Variants in RANBP2 observed in about 807,000 individuals in gnomAD.
RANBP2 encodes RAN binding protein 2.
RANBP2 carries 57 observed loss-of-function variants against 303.6 expected under a neutral mutation model. That is an observed-to-expected ratio of 0.19 (90% CI 0.15 to 0.23). The LOEUF is 0.23. Ranked by LOEUF, RANBP2 falls within the 10% of genes least tolerant of loss-of-function variation. The pLI is 1.00. For synonymous variants in RANBP2, 1,167 were observed against 1,301.5 expected, an observed-to-expected ratio of 0.90 and a Z score of 2.23; for missense variants, 3,138 against 3,780.8, an observed-to-expected ratio of 0.83 and a Z score of 4.46.
At chr2:109,160,892 G>C in the RANBP2 span, among the ~76,000 whole-genome samples, 3 of 152,206 alleles carry the variant, frequency 2.0e-5, 1 homozygote, top group East Asian at 5.8e-4. Context: ...CACTGTGGCA[G>C]GAGTTGTTTG....
At chr2:108,800,658 G>A in the RANBP2 span, among the ~76,000 whole-genome samples, 2 of 110,062 alleles carry the variant, frequency 1.8e-5, no homozygotes, top group African/African-American at 7.9e-5. Context: ...TTAAGTTTTA[G>A]GGTACATGTG....
At chr2:109,480,665 C>T in the RANBP2 span, among the ~76,000 whole-genome samples, 1 of 152,114 alleles carries the variant, frequency 6.6e-6, no homozygotes, top group Non-Finnish European at 1.5e-5. Flanking sequence ...CAATGCTGTA[C>T]TGGCATGTGG....
At chr2:109,662,618 C>G in the RANBP2 span, among the ~76,000 whole-genome samples, 1 of 152,036 alleles carries the variant, frequency 6.6e-6, no homozygotes. Flanking sequence ...ATCATGTTGG[C>G]TATGCTGGTC....
chr2:109,124,714 T>C, the RANBP2 span: 1 of 152,394 alleles, frequency 6.6e-6, no homozygotes, highest in Non-Finnish European at 1.5e-5. Context: ...TTTGCTTTGT[T>C]GTCGTCCTGT....
the RANBP2 span, among the ~76,000 whole-genome samples, chr2:109,703,045 C>A: frequency 1.3e-5 from 2 of 152,022 alleles, no homozygotes; most frequent in African/African-American, 4.8e-5. Flanking sequence ...GAGGAATGTT[C>A]AAAAAGATTT....
At chr2:109,560,327 T>C in the RANBP2 span, among the ~76,000 whole-genome samples, 1 of 152,124 alleles carries the variant, frequency 6.6e-6, no homozygotes, top group African/African-American at 2.4e-5. Context: ...ACCTCAACTT[T>C]GACACAGCAG....
the RANBP2 span, among the ~76,000 whole-genome samples, chr2:109,705,379 CT>C: frequency 6.6e-6 from 1 of 152,164 alleles, no homozygotes; most frequent in Non-Finnish European, 1.5e-5. Flanking sequence ...GCACTCCAGC[CT>C]GGGCAACAAG....
chr2:109,661,641 G>A, the RANBP2 span, among the ~76,000 whole-genome samples: 16 of 152,302 alleles, frequency 1.1e-4, no homozygotes, highest in African/African-American at 3.4e-4. Flanking sequence ...CTACCTGCAA[G>A]GAATACTGGA....
At chr2:108,851,084 G>T in the RANBP2 span, among the ~76,000 whole-genome samples, 1 of 152,088 alleles carries the variant, frequency 6.6e-6, no homozygotes, top group Non-Finnish European at 1.5e-5. Context: ...GGTTTAATTT[G>T]CTGGAGTAGC....
chr2:109,671,060 C>A, the RANBP2 span, among the ~76,000 whole-genome samples: 1 of 152,194 alleles, frequency 6.6e-6, no homozygotes, highest in African/African-American at 2.4e-5. Context: ...CCCCTGCCAC[C>A]CAGTGGACAG....
At chr2:109,085,961 T>C in the RANBP2 span, among the ~76,000 whole-genome samples, 228 of 152,300 alleles carry the variant, frequency 1.5e-3, no homozygotes, top group Middle Eastern at 0.02. Flanking sequence ...TCATGCCATG[T>C]ACTGCCATCA....
At chr2:109,246,432 C>T in the RANBP2 span, among the ~76,000 whole-genome samples, 4 of 152,188 alleles carry the variant, frequency 2.6e-5, no homozygotes, top group Non-Finnish European at 5.9e-5. Flanking sequence ...CCCTCACGAT[C>T]CGGTCACCTC....
At chr2:109,500,080 G>T in the RANBP2 span, among the ~76,000 whole-genome samples, 2 of 152,146 alleles carry the variant, frequency 1.3e-5, no homozygotes, top group Non-Finnish European at 2.9e-5. Context: ...GTGTGTGGCT[G>T]TCCTCAGGTG....
chr2:109,648,436 C>T, the RANBP2 span, among the ~76,000 whole-genome samples: 83 of 152,214 alleles, frequency 5.5e-4, no homozygotes, highest in Non-Finnish European at 1.1e-3. Flanking sequence ...CTGCAACCTC[C>T]GCCTCCCAGC....
the RANBP2 span, among the ~76,000 whole-genome samples, chr2:109,414,782 C>T: frequency 3.9e-5 from 6 of 152,234 alleles, no homozygotes; most frequent in Non-Finnish European, 8.8e-5. Context: ...GTCTCTCCAG[C>T]AGCATTTCCA....
the RANBP2 span, among the ~76,000 whole-genome samples, chr2:108,817,004 C>T: frequency 1.3e-5 from 2 of 152,114 alleles, no homozygotes; most frequent in Admixed American, 1.3e-4. Context: ...GACCCAGTCA[C>T]TTCTTAAAGG....
At chr2:109,382,461 G>A in the RANBP2 span, among the ~76,000 whole-genome samples, 1 of 152,126 alleles carries the variant, frequency 6.6e-6, no homozygotes, top group African/African-American at 2.4e-5. Flanking sequence ...CCCCGACGTG[G>A]TTGGCCTTTC....
the RANBP2 span, among the ~76,000 whole-genome samples, chr2:109,024,435 T>C: frequency 6.6e-6 from 1 of 152,260 alleles, no homozygotes; most frequent in African/African-American, 2.4e-5. Flanking sequence ...CTCAAAACTT[T>C]GCAGGTAGAT....
At chr2:108,859,448 A>T in the RANBP2 span, among the ~76,000 whole-genome samples, 3 of 152,098 alleles carry the variant, frequency 2.0e-5, no homozygotes, top group East Asian at 5.8e-4. Flanking sequence ...TTTGCTTTTG[A>T]TGAGTTTGTC....
Sources: gnomAD v4.1 joint callset for allele counts (sites outside exome capture counted in the v4.1 genomes callset) on GRCh38, gnomAD v4.1.1 for gene constraint, MANE v1.5 for transcripts, NCBI Gene and HGNC (gene_info 2026-07-23, HGNC 2026-07-21) for gene names.